SLC25A13: variants seen among roughly 807,000 people sequenced by gnomAD.
SLC25A13 encodes electrogenic aspartate/glutamate antiporter SLC25A13, mitochondrial.
SLC25A13 carries 70 observed loss-of-function variants against 85.5 expected under a neutral mutation model. That is an observed-to-expected ratio of 0.82 (90% confidence interval 0.68 to 1.00). SLC25A13 has a LOEUF of 1.00. Among genes scored for constraint, SLC25A13 ranks in the 50% least tolerant of loss-of-function variants. The pLI is 0.00. For missense variants in SLC25A13, 765 were observed against 819.8 expected (o/e 0.93, Z 0.82); for synonymous variants, 259 against 288.7 (o/e 0.90, Z 1.04).
intron 13 of SLC25A13, among the ~76,000 whole-genome samples, chr7:96,167,885 G>C (rs1368055711): frequency 1.3e-5 from 2 of 151,962 alleles, no homozygotes; most frequent in African/African-American, 4.8e-5. Flanking sequence ...GGATCACGAG[G>C]TCAGGAGATT....
At chr7:96,150,006 T>C (rs1424801401) in intron 13 of SLC25A13, among the ~76,000 whole-genome samples, 1 of 152,172 alleles carries the variant, frequency 6.6e-6, no homozygotes, top group African/African-American at 2.4e-5. Context: ...CATTTCCCTA[T>C]GACTTACTGG....
intron 9 of SLC25A13, 114 bp from the exon 10 acceptor site, chr7:96,185,125 G>A: frequency 1.5e-6 from 1 of 685,432 alleles, no homozygotes; most frequent in East Asian, 2.7e-5. Context: ...CTAAATCCAT[G>A]ATACAACTAA....
intron 13 of SLC25A13, among the ~76,000 whole-genome samples, chr7:96,167,375 C>T (rs1054149711): frequency 6.6e-6 from 1 of 151,934 alleles, no homozygotes; most frequent in Non-Finnish European, 1.5e-5. Context: ...TCCAAATTTA[C>T]TAACACTTTC....
chr7:96,260,185 C>T (rs1014449178), intron 3 of SLC25A13, among the ~76,000 whole-genome samples: 1 of 151,768 alleles, frequency 6.6e-6, no homozygotes, highest in African/African-American at 2.4e-5. Context: ...CACATGTATC[C>T]CAGAACTTAA....
chr7:96,314,616 C>T (rs1800065580), intron 1 of SLC25A13, among the ~76,000 whole-genome samples: 1 of 151,980 alleles, frequency 6.6e-6, no homozygotes, highest in Admixed American at 6.6e-5. Context: ...CAAATGCCAA[C>T]CAGAGAGGAG....
At chr7:96,252,154 T>C (rs1263381242) in intron 3 of SLC25A13, among the ~76,000 whole-genome samples, 1 of 152,204 alleles carries the variant, frequency 6.6e-6, no homozygotes, top group African/African-American at 2.4e-5. Flanking sequence ...TGGTCAACTT[T>C]CCAGCATCTT....
chr7:96,206,115 C>T (rs1199114309), intron 5 of SLC25A13, among the ~76,000 whole-genome samples: 2 of 152,170 alleles, frequency 1.3e-5, no homozygotes, highest in Non-Finnish European at 2.9e-5. Flanking sequence ...TACAAGTTCC[C>T]TGAAATCACA....
intron 4 of SLC25A13, among the ~76,000 whole-genome samples, chr7:96,231,303 A>T (rs1796531149): frequency 6.6e-6 from 1 of 152,218 alleles, no homozygotes. Flanking sequence ...AGCAACTATC[A>T]AGAGAGTAAA....
chr7:96,221,216 A>C (rs1796117170), intron 4 of SLC25A13, among the ~76,000 whole-genome samples: 1 of 152,098 alleles, frequency 6.6e-6, no homozygotes, highest in African/African-American at 2.4e-5. Context: ...AGTCTCTAGG[A>C]TCTCTGAAAA....
chr7:96,133,853 G>A (rs796692416), intron 14 of SLC25A13, among the ~76,000 whole-genome samples: 2 of 151,804 alleles, frequency 1.3e-5, no homozygotes, highest in African/African-American at 4.8e-5. Flanking sequence ...ACCCGGAGGT[G>A]GAGGTTGTAG....
chr7:96,287,502 T>A (rs1031687757), intron 2 of SLC25A13, among the ~76,000 whole-genome samples: 2 of 152,198 alleles, frequency 1.3e-5, no homozygotes, highest in Admixed American at 6.5e-5. Context: ...GAACTCTGCA[T>A]GAATTCTCAC....
Position 96,272,493 on chromosome 7 carries a change from A to G in SLC25A13, c.212+4703T>C, listed in dbSNP as rs1328457761. ...GCCCAGAGCTTTGTTCCTAAGCACC[A>G]TTCCTAAATAAAAGGAATCAGAGCT... On this transcript the variant is annotated intron_variant, in intron 3 of 17. Coordinates refer to ENST00000265631, the MANE Select transcript of SLC25A13 (RefSeq NM_014251.3). Among the ~76,000 whole-genome samples, 4 of 152,362 alleles carry G rather than the reference A, an allele frequency of 2.6e-5. No homozygotes were observed. In the East Asian group the frequency reaches 7.7e-4, roughly 29 times the overall value.
intron 15 of SLC25A13, among the ~76,000 whole-genome samples, chr7:96,125,933 TATTA>T (rs1214653127): frequency 1.3e-5 from 2 of 152,188 alleles, no homozygotes; most frequent in African/African-American, 4.8e-5. Context: ...TAATTAATTA[TATTA>T]ATTAATTATA....
chr7:96,155,494 CCA>C (rs1254447120), intron 13 of SLC25A13, among the ~76,000 whole-genome samples: 1 of 152,092 alleles, frequency 6.6e-6, no homozygotes, highest in Non-Finnish European at 1.5e-5. Flanking sequence ...GTGGCTCTGC[CCA>C]CAGTGATCTC....
At chr7:96,321,518 G>A (rs566748706) in intron 1 of SLC25A13, among the ~76,000 whole-genome samples, 39 of 152,104 alleles carry the variant, frequency 2.6e-4, no homozygotes, top group South Asian at 6.2e-4. Context: ...TTCAGCCCGG[G>A]CTCTGGCCCC....
At chr7:96,250,276 G>A (rs982225203) in intron 3 of SLC25A13, among the ~76,000 whole-genome samples, 2 of 152,194 alleles carry the variant, frequency 1.3e-5, no homozygotes, top group African/African-American at 4.8e-5. Flanking sequence ...TACATGTTCA[G>A]CTAAATCCTT....
intron 3 of SLC25A13, among the ~76,000 whole-genome samples, chr7:96,244,067 A>G (rs538622078): frequency 6.6e-6 from 1 of 152,308 alleles, no homozygotes; most frequent in African/African-American, 2.4e-5. Flanking sequence ...TCGTAGCAAG[A>G]GAACCAAGGA....
At chr7:96,186,654 A>C (rs1794656671) in intron 9 of SLC25A13, among the ~76,000 whole-genome samples, 1 of 152,226 alleles carries the variant, frequency 6.6e-6, no homozygotes, top group Non-Finnish European at 1.5e-5. Context: ...ATCATTCAAA[A>C]TGATACTGTA....
intron 14 of SLC25A13, 80 bp downstream of exon 14, chr7:96,146,476 G>C (rs1792794638): frequency 4.2e-5 from 65 of 1,558,088 alleles, no homozygotes; most frequent in Non-Finnish European, 5.6e-5. Context: ...AAAAAAAATG[G>C]ATTTCATGTT....
Sources: gnomAD v4.1 joint callset for allele counts (sites outside exome capture counted in the v4.1 genomes callset) on GRCh38, gnomAD v4.1.1 for gene constraint, MANE v1.5 for transcripts, NCBI Gene and HGNC (gene_info 2026-07-23, HGNC 2026-07-21) for gene names.